The following NRXN1 variants were observed in gnomAD, a reference collection of about 807,000 sequenced individuals.
NRXN1 encodes neurexin-1.
Under a neutral mutation model 150.9 loss-of-function variants are expected in NRXN1, and 39 were observed. The observed-to-expected ratio is 0.26, with a 90% CI of 0.20 to 0.34. The LOEUF (loss-of-function observed/expected upper bound fraction) is 0.34. NRXN1 is among the 10% of genes least tolerant of loss of function. The probability of loss-of-function intolerance (pLI) is 1.00; values close to 1 mark genes in which losing one functional copy is unlikely to be tolerated. For synonymous variants in NRXN1, 924 were observed against 757.0 expected (o/e 1.22, Z -3.62); for missense variants, 1,815 against 1,949.9 (o/e 0.93, Z 1.30).
intron 19 of NRXN1, among the ~76,000 whole-genome samples, chr2:50,088,811 T>G (rs968033500): frequency 1.3e-5 from 2 of 152,196 alleles, no homozygotes; most frequent in African/African-American, 4.8e-5. Context: ...CAGATTCAAA[T>G]TGGACATTAG....
chr2:50,421,759 A>C (rs1388516799), intron 17 of NRXN1, among the ~76,000 whole-genome samples: 1 of 152,170 alleles, frequency 6.6e-6, no homozygotes, highest in Non-Finnish European at 1.5e-5. Flanking sequence ...CAAGTTAAAA[A>C]GTGATAAACT....
chr2:50,633,619 T>C (rs72835396), intron 5 of NRXN1, among the ~76,000 whole-genome samples: 1,611 of 152,210 alleles, frequency 0.011, 16 homozygotes, highest in Middle Eastern at 0.024. Flanking sequence ...ACACTTGAAT[T>C]GTTGCATACC....
chr2:50,260,878 G>A (rs934628677), intron 17 of NRXN1, among the ~76,000 whole-genome samples: 4 of 151,646 alleles, frequency 2.6e-5, no homozygotes, highest in East Asian at 1.9e-4. Flanking sequence ...CTCTTCTCCT[G>A]TTCCTCTACG....
intron 8 of NRXN1, among the ~76,000 whole-genome samples, chr2:50,559,161 T>C (rs987388176): frequency 6.6e-6 from 1 of 152,232 alleles, no homozygotes; most frequent in African/African-American, 2.4e-5. Context: ...CATTTTCACC[T>C]AGCTGTTATC....
intron 2 of NRXN1, among the ~76,000 whole-genome samples, chr2:50,996,132 C>T (rs544702468): frequency 6.6e-6 from 1 of 151,980 alleles, no homozygotes; most frequent in Non-Finnish European, 1.5e-5. Flanking sequence ...AAAATTAAGA[C>T]AGGAAATAAA....
At chr2:50,140,662 TC>T (rs1707139617) in intron 18 of NRXN1, among the ~76,000 whole-genome samples, 1 of 146,662 alleles carries the variant, frequency 6.8e-6, no homozygotes, top group South Asian at 2.2e-4. Context: ...TGAGCTTTTT[TC>T]TCTCTCTTTT....
At chr2:50,915,953 C>G (rs1404245671) in intron 5 of NRXN1, among the ~76,000 whole-genome samples, 2 of 147,876 alleles carry the variant, frequency 1.4e-5, no homozygotes, top group Non-Finnish European at 3.0e-5. Context: ...GAATATGAAC[C>G]CAGCTCTTAT....
chr2:50,092,682 C>G (rs1423056880), intron 18 of NRXN1, among the ~76,000 whole-genome samples: 1 of 152,138 alleles, frequency 6.6e-6, no homozygotes, highest in Non-Finnish European at 1.5e-5. Flanking sequence ...CACTAAGAAT[C>G]CTTACGGAAA....
chr2:50,811,715 T>C (rs1668237984), intron 5 of NRXN1, among the ~76,000 whole-genome samples: 1 of 152,186 alleles, frequency 6.6e-6, no homozygotes, highest in African/African-American at 2.4e-5. Context: ...CTGTAGTGCC[T>C]TGAATGTCTT....
At chr2:50,970,480 G>GT (rs1430638800) in intron 2 of NRXN1, among the ~76,000 whole-genome samples, 6 of 151,980 alleles carry the variant, frequency 3.9e-5, no homozygotes, top group African/African-American at 1.5e-4. Flanking sequence ...GAGTTCCAAG[G>GT]TACAGCAAAA....
Position 50,347,371 on chromosome 2 carries a change from C to T in NRXN1, c.3365-110401G>A, listed in dbSNP as rs972554524. The T allele has an allele frequency of 1.8e-5, 22 of 1,197,448 alleles. No individual in the cohort carries two copies. The highest frequency in any genetic ancestry group is 2.1e-5 in the Non-Finnish European group (20 of 945,770). 74.2% of individuals were successfully genotyped at this position (1,197,448 alleles called of 1,614,324 possible). ...AAGGTCCTCACTTCTACATGACAGA[C>T]ATCCACCGCGAATCCACTAGGTAAA... is the stretch of plus-strand genomic sequence containing the variant. On this transcript the variant is annotated intron_variant, in intron 17 of 22. Transcript: ENST00000401669. The surrounding 1 kb of genome is among the most constrained non-coding windows in gnomAD (Gnocchi z 4.9).
intron 5 of NRXN1, among the ~76,000 whole-genome samples, chr2:50,879,729 C>T (rs1679148912): frequency 6.6e-6 from 1 of 151,838 alleles, no homozygotes; most frequent in South Asian, 2.1e-4. Context: ...TCTCTCTTTC[C>T]ACCTCTGTTT....
intron 5 of NRXN1, among the ~76,000 whole-genome samples, chr2:50,732,406 G>A (rs559805801): frequency 3.3e-5 from 5 of 152,208 alleles, no homozygotes; most frequent in African/African-American, 1.2e-4. Flanking sequence ...GTGATCAGCT[G>A]CTAAGAGGAA....
chr2:50,599,614 A>G (rs1675907107), intron 8 of NRXN1, among the ~76,000 whole-genome samples: 2 of 152,218 alleles, frequency 1.3e-5, no homozygotes, highest in Admixed American at 1.3e-4. Flanking sequence ...TTCAAGGGAA[A>G]CATGCTTTAC....
At chr2:50,962,443 T>G (rs1693353947) in intron 2 of NRXN1, among the ~76,000 whole-genome samples, 1 of 151,702 alleles carries the variant, frequency 6.6e-6, no homozygotes, top group South Asian at 2.1e-4. Context: ...TTCATGGAAA[T>G]TTAAACCTGG....
At chr2:50,976,759 T>C (rs1015362078) in intron 2 of NRXN1, among the ~76,000 whole-genome samples, 2 of 152,052 alleles carry the variant, frequency 1.3e-5, no homozygotes, top group Admixed American at 6.6e-5. Flanking sequence ...TGTAACCCTG[T>C]GTACATTTCA....
chr2:50,270,673 G>GT (rs34114256), intron 17 of NRXN1, among the ~76,000 whole-genome samples: 20,686 of 143,632 alleles, frequency 0.14, 1,636 homozygotes, highest in African/African-American at 0.21. Context: ...TATAGATATA[G>GT]TTTTTTTTTT....
At chr2:50,273,215 G>C (rs1052226552) in intron 17 of NRXN1, among the ~76,000 whole-genome samples, 17 of 152,184 alleles carry the variant, frequency 1.1e-4, no homozygotes, top group African/African-American at 3.6e-4. Context: ...AGGAAAATTT[G>C]GCAATCTACC....
At chr2:50,319,680 AAGACAGTGGC>A (rs11277736) in intron 17 of NRXN1, among the ~76,000 whole-genome samples, 6,393 of 151,972 alleles carry the variant, frequency 0.042, 288 homozygotes, top group East Asian at 0.2. Flanking sequence ...CTTTGGAAAG[AAGACAGTGGC>A]AGACAGTGGC....
Sources: gnomAD v4.1 joint callset for allele counts (sites outside exome capture counted in the v4.1 genomes callset) on GRCh38, gnomAD v4.1.1 for gene constraint, Gnocchi (gnomAD v3.1) non-coding constraint, MANE v1.5 for transcripts, NCBI Gene and HGNC (gene_info 2026-07-23, HGNC 2026-07-21) for gene names.